CCDC178: variants seen among roughly 807,000 people sequenced by gnomAD.
The protein encoded by CCDC178 is coiled-coil domain-containing protein 178.
Under a neutral mutation model 117.4 loss-of-function variants are expected in CCDC178, and 126 were observed. The ratio of observed to expected loss-of-function variants is 1.07; its 90% CI spans 0.93 to 1.24. The LOEUF is 1.24. CCDC178 is among the 50% of genes most tolerant of loss of function. The probability of loss-of-function intolerance (pLI) is 0.00; values close to 1 mark genes in which losing one functional copy is unlikely to be tolerated. For missense variants in CCDC178, 1,030 were observed against 986.9 expected, an observed-to-expected ratio of 1.04 and a Z score of -0.59; for synonymous variants, 283 against 313.4, an observed-to-expected ratio of 0.90 and a Z score of 1.02.
chr18:33,337,310 G>A (rs529308667), intron 9 of CCDC178, among the ~76,000 whole-genome samples: 6 of 152,072 alleles, frequency 3.9e-5, no homozygotes, highest in Non-Finnish European at 7.4e-5. Flanking sequence ...TTTTGGATGA[G>A]TCTTTTAAGG....
chr18:33,417,654 A>G (rs2063964478), intron 2 of CCDC178, among the ~76,000 whole-genome samples: 1 of 152,054 alleles, frequency 6.6e-6, no homozygotes, highest in Non-Finnish European at 1.5e-5. Flanking sequence ...TTATTGTTGT[A>G]CTATAGTTAT....
intron 21 of CCDC178, among the ~76,000 whole-genome samples, chr18:33,074,979 G>A (rs979207598): frequency 6.6e-6 from 1 of 152,140 alleles, no homozygotes; most frequent in Non-Finnish European, 1.5e-5. Flanking sequence ...TTAAGATATG[G>A]AAGGATAGGA....
At chr18:33,096,051 CA>C (rs754086711) in intron 20 of CCDC178, among the ~76,000 whole-genome samples, 52 of 151,572 alleles carry the variant, frequency 3.4e-4, no homozygotes, top group Admixed American at 1.1e-3. Flanking sequence ...TCTCTGTCAG[CA>C]AAAATGCTGA....
intron 21 of CCDC178, among the ~76,000 whole-genome samples, chr18:32,991,978 G>A (rs963742861): frequency 1.3e-5 from 2 of 152,130 alleles, no homozygotes; most frequent in African/African-American, 4.8e-5. Context: ...CAGAAATAAT[G>A]GGAACTTTTA....
At position 33,259,454 on chromosome 18, in the gene CCDC178, G is replaced by A. The variant is rs527885067; in HGVS notation, c.1409+7462C>T. ...CACAGTTCTTCAGGCTTAACAGGAA[G>A]CATGACTAGGAGGCCTCTGGAAACT... On this transcript the variant is annotated intron_variant, in intron 14 of 22. Transcript: ENST00000383096. 3.9e-5 allele frequency among the ~76,000 whole-genome samples: 6 copies of A among 152,248 alleles called. 1 individual carries two copies. In the South Asian group the frequency reaches 1.2e-3, roughly 32 times the overall value.
chr18:33,372,643 C>T (rs1458858576), intron 5 of CCDC178, among the ~76,000 whole-genome samples: 1 of 152,092 alleles, frequency 6.6e-6, no homozygotes, highest in African/African-American at 2.4e-5. Flanking sequence ...CAAGATCCTC[C>T]TGGCTCCAAG....
chr18:33,209,578 A>G (rs1568057625), intron 20 of CCDC178, among the ~76,000 whole-genome samples: 1 of 151,998 alleles, frequency 6.6e-6, no homozygotes, highest in Non-Finnish European at 1.5e-5. Flanking sequence ...CCACTTCCTA[A>G]ACAGGGATGA....
intron 22 of CCDC178, among the ~76,000 whole-genome samples, chr18:32,948,026 T>C (rs957764351): frequency 6.6e-6 from 1 of 152,114 alleles, no homozygotes; most frequent in East Asian, 1.9e-4. Context: ...TGGGCTTATG[T>C]TTGTGTCCGC....
intron 22 of CCDC178, among the ~76,000 whole-genome samples, chr18:32,939,082 C>T (rs2054182680): frequency 6.6e-6 from 1 of 152,082 alleles, no homozygotes; most frequent in East Asian, 1.9e-4. Context: ...GAAATAATCC[C>T]TTAAAAGGTC....
intron 20 of CCDC178, among the ~76,000 whole-genome samples, chr18:33,110,198 T>C (rs539737549): frequency 2.0e-5 from 3 of 151,742 alleles, no homozygotes; most frequent in Admixed American, 6.6e-5. Context: ...TATAGCTCCT[T>C]TCTGAAGCGA....
At chr18:33,211,141 C>T (rs2059103586) in intron 20 of CCDC178, among the ~76,000 whole-genome samples, 1 of 151,752 alleles carries the variant, frequency 6.6e-6, no homozygotes, top group East Asian at 1.9e-4. Context: ...TATTATGATA[C>T]TACATATACT....
At chr18:33,177,771 T>C (rs2058680441) in intron 20 of CCDC178, among the ~76,000 whole-genome samples, 2 of 152,322 alleles carry the variant, frequency 1.3e-5, no homozygotes, top group Middle Eastern at 3.4e-3. Context: ...TTCTTAACTA[T>C]GATCTATTAA....
intron 20 of CCDC178, among the ~76,000 whole-genome samples, chr18:33,197,497 T>G (rs1196008060): frequency 1.3e-5 from 2 of 152,088 alleles, no homozygotes; most frequent in Non-Finnish European, 2.9e-5. Flanking sequence ...TAATTCCAGG[T>G]GTGAAACTTA....
At chr18:33,176,114 C>G (rs1011645144) in intron 20 of CCDC178, among the ~76,000 whole-genome samples, 1 of 152,118 alleles carries the variant, frequency 6.6e-6, no homozygotes, top group Non-Finnish European at 1.5e-5. Flanking sequence ...AAAGATCATG[C>G]CATCCAGGTA....
At chr18:33,277,718 A>T (rs2144808668) in intron 12 of CCDC178, among the ~76,000 whole-genome samples, 1 of 152,110 alleles carries the variant, frequency 6.6e-6, no homozygotes, top group East Asian at 1.9e-4. Flanking sequence ...TGACTGGCTG[A>T]GCACTTCTCA....
At chr18:33,128,774 A>G (rs76714494) in intron 20 of CCDC178, among the ~76,000 whole-genome samples, 96 of 152,276 alleles carry the variant, frequency 6.3e-4, no homozygotes, top group African/African-American at 2.2e-3. Flanking sequence ...CGCACCAGGA[A>G]CTGCATCACA....
intron 6 of CCDC178, among the ~76,000 whole-genome samples, chr18:33,357,839 T>C (rs2063076732): frequency 7.0e-3 from 1 of 142 alleles, no homozygotes; most frequent in East Asian, 0.1. Flanking sequence ...TGTATGCATG[T>C]GTGTGTGTGT....
intron 6 of CCDC178, among the ~76,000 whole-genome samples, chr18:33,360,844 C>A (rs184783139): frequency 6.6e-6 from 1 of 151,238 alleles, no homozygotes; most frequent in Non-Finnish European, 1.5e-5. Flanking sequence ...AGAAATTGAG[C>A]GTGATGCAAA....
chr18:33,348,972 G>A lies in CCDC178; in HGVS notation c.375C>T (p.Ser125=). 1.2e-6 allele frequency: 2 copies of A among 1,601,874 alleles called. No individual in the cohort carries two copies. The highest frequency in any genetic ancestry group is 1.7e-6 in the Non-Finnish European group (2 of 1,173,030). The change falls in exon 8 of 23, where the codon AGC becomes AGT. Residue 125 remains serine (S), a synonymous_variant. Coordinates refer to ENST00000383096, the MANE Select transcript of CCDC178 (RefSeq NM_001105528.4). ...KRFETSFEEW[S]RTSSTKDLKE... ...TCAGGTCTTTTGTGGAAGAAGTTCT[G>A]CTCCTATATAATGGGAAAGAAGCAA...
Sources: allele counts gnomAD v4.1 joint callset (sites outside exome capture counted in the v4.1 genomes callset), GRCh38; gene constraint gnomAD v4.1.1; transcripts MANE v1.5; gene names NCBI Gene and HGNC (gene_info 2026-07-23, HGNC 2026-07-21).